Variants in NR6A1 observed in about 807,000 individuals in gnomAD.
NR6A1 encodes nuclear receptor subfamily 6 group A member 1, also known as retinoic acid receptor-related testis-associated receptor.
NR6A1 carries 7 observed loss-of-function variants against 59.1 expected under a neutral mutation model. The observed-to-expected ratio is 0.12, with a 90% CI of 0.07 to 0.22. The LOEUF (loss-of-function observed/expected upper bound fraction) is 0.22, where lower values mean the gene tolerates loss of function less well. Ranked by LOEUF, NR6A1 falls within the 10% of genes least tolerant of loss-of-function variation. The pLI, the probability that NR6A1 is intolerant of heterozygous loss-of-function variation, is 1.00. For synonymous variants in NR6A1, 243 were observed against 236.1 expected (o/e 1.03, Z -0.27); for missense variants, 468 against 611.6 (o/e 0.77, Z 2.48).
chr9:124,643,543 T>C (rs1836831071), intron 2 of NR6A1, among the ~76,000 whole-genome samples: 1 of 149,338 alleles, frequency 6.7e-6, no homozygotes, highest in Admixed American at 6.8e-5. Flanking sequence ...AAGGGAGCAG[T>C]GAGCCAAGAT....
At chr9:124,712,555 C>T (rs1009118132) in intron 2 of NR6A1, among the ~76,000 whole-genome samples, 9 of 151,802 alleles carry the variant, frequency 5.9e-5, no homozygotes, top group Non-Finnish European at 1.0e-4. Flanking sequence ...ATGCAGTGAG[C>T]CAAGATCACG....
intron 2 of NR6A1, among the ~76,000 whole-genome samples, chr9:124,687,802 G>T (rs1264201093): frequency 6.6e-6 from 1 of 152,170 alleles, no homozygotes; most frequent in Admixed American, 6.5e-5. Context: ...AAATAAGATA[G>T]CTAAATGCAT....
intron 2 of NR6A1, among the ~76,000 whole-genome samples, chr9:124,582,581 A>T (rs2131463521): frequency 6.8e-6 from 1 of 147,522 alleles, no homozygotes; most frequent in African/African-American, 2.5e-5. Flanking sequence ...TTAAAAGTTA[A>T]AAAAAAAAAA....
chr9:124,533,407 C>A (rs577202632), intron 7 of NR6A1, among the ~76,000 whole-genome samples: 2 of 152,336 alleles, frequency 1.3e-5, no homozygotes, highest in African/African-American at 4.8e-5. Context: ...ATTTACAGAT[C>A]ACCCTGAAGC....
intron 2 of NR6A1, among the ~76,000 whole-genome samples, chr9:124,615,841 T>C (rs1835873860): frequency 6.6e-6 from 1 of 152,020 alleles, no homozygotes; most frequent in Admixed American, 6.6e-5. Context: ...TATTTATTTA[T>C]TTATTTATTT....
intron 2 of NR6A1, among the ~76,000 whole-genome samples, chr9:124,605,817 T>C (rs553537607): frequency 6.6e-6 from 1 of 152,330 alleles, no homozygotes; most frequent in South Asian, 2.1e-4. Flanking sequence ...TTTTGTTTTA[T>C]AAAAATTAAA....
At chr9:124,573,412 T>C (rs1257534347) in intron 2 of NR6A1, among the ~76,000 whole-genome samples, 1 of 152,200 alleles carries the variant, frequency 6.6e-6, no homozygotes, top group African/African-American at 2.4e-5. Flanking sequence ...TCTTCCTTAT[T>C]CTAACTTGAA....
intron 2 of NR6A1, among the ~76,000 whole-genome samples, chr9:124,624,969 A>G (rs982860899): frequency 1.3e-5 from 2 of 151,610 alleles, no homozygotes; most frequent in African/African-American, 4.9e-5. Context: ...TCTGAAAACA[A>G]AATCTTTAGG....
chr9:124,728,184 A>G (rs1343948803), intron 2 of NR6A1, among the ~76,000 whole-genome samples: 2 of 146,060 alleles, frequency 1.4e-5, no homozygotes, highest in African/African-American at 2.5e-5. Context: ...CTACCACCAC[A>G]CCTGGCTAAT....
chr9:124,711,376 T>C (rs1039869706), intron 2 of NR6A1, among the ~76,000 whole-genome samples: 4 of 151,762 alleles, frequency 2.6e-5, no homozygotes, highest in Non-Finnish European at 5.9e-5. Context: ...ATCTTCTTCC[T>C]TCACCACTGC....
chr9:124,696,870 C>T (rs1403445641), intron 2 of NR6A1, among the ~76,000 whole-genome samples: 1 of 152,096 alleles, frequency 6.6e-6, no homozygotes, highest in East Asian at 1.9e-4. Context: ...GTGGCCCAGG[C>T]TGGTCTCAAA....
chr9:124,677,299 C>T (rs1316971257), intron 2 of NR6A1, among the ~76,000 whole-genome samples: 2 of 152,122 alleles, frequency 1.3e-5, no homozygotes, highest in South Asian at 2.1e-4. Flanking sequence ...CACTTTGTCA[C>T]GCAGGTTGGA....
At chr9:124,611,749 TAGAGAGAGAGAG>T (rs34197337) in intron 2 of NR6A1, among the ~76,000 whole-genome samples, 2 of 91,442 alleles carry the variant, frequency 2.2e-5, no homozygotes, top group Non-Finnish European at 4.2e-5. Context: ...GACCCTGTCT[TAGAGAGAGAGAG>T]AGAGAGAGAG....
chr9:124,550,584 C>T (rs186499504), intron 3 of NR6A1, among the ~76,000 whole-genome samples: 4 of 152,056 alleles, frequency 2.6e-5, no homozygotes, highest in Non-Finnish European at 4.4e-5. Flanking sequence ...TCTTGAACTC[C>T]TGAGCTTAAG....
chr9:124,595,399 C>T (rs4838196), intron 2 of NR6A1, among the ~76,000 whole-genome samples: 85,295 of 151,974 alleles, frequency 0.56, 24,411 homozygotes, highest in African/African-American at 0.68. Flanking sequence ...ATTTAAAATA[C>T]AAACAACATC....
chr9:124,710,479 A>G (rs1241008835), intron 2 of NR6A1, among the ~76,000 whole-genome samples: 1 of 152,188 alleles, frequency 6.6e-6, no homozygotes, highest in Non-Finnish European at 1.5e-5. Context: ...CACATTTAGC[A>G]TCAAAGGTTC....
intron 3 of NR6A1, among the ~76,000 whole-genome samples, chr9:124,550,776 T>A (rs1833756830): frequency 6.6e-6 from 1 of 152,154 alleles, no homozygotes; most frequent in Non-Finnish European, 1.5e-5. Flanking sequence ...GCTCAAGTGA[T>A]CCTCTTGCCT....
In NR6A1 at chr9:124,641,307, C is replaced by A. The variant is rs143673466; in HGVS notation, c.143-86737G>T. ...CCAGGAGGCAGAGGTTGCCGTGAGC[C>A]GAGATCACCCCATTGCACTCCAGCC... On this transcript the variant is annotated intron_variant, in intron 2 of 9. Coordinates refer to ENST00000487099, the MANE Select transcript of NR6A1 (RefSeq NM_033334.4). 9.7e-4 allele frequency among the ~76,000 whole-genome samples: 142 copies of A among 146,144 alleles called. No homozygotes were observed. The East Asian group carries it at 0.022, about 23-fold the overall frequency.
chr9:124,709,570 A>G (rs978121866), intron 2 of NR6A1, among the ~76,000 whole-genome samples: 3 of 152,176 alleles, frequency 2.0e-5, no homozygotes, highest in Non-Finnish European at 4.4e-5. Context: ...AGAGAGATGG[A>G]AAAGAAATCC....
Sources: gnomAD v4.1 joint callset for allele counts (sites outside exome capture counted in the v4.1 genomes callset) on GRCh38, gnomAD v4.1.1 for gene constraint, MANE v1.5 for transcripts, NCBI Gene and HGNC (gene_info 2026-07-23, HGNC 2026-07-21) for gene names.